VWA3B: variants seen among roughly 807,000 people sequenced by gnomAD.
VWA3B encodes the protein von Willebrand factor A domain-containing protein 3B.
VWA3B carries 138 observed loss-of-function variants against 158.3 expected under a neutral mutation model. That is an observed-to-expected ratio of 0.87 (90% CI 0.76 to 1.00). VWA3B has a LOEUF of 1.00. Among genes scored for constraint, VWA3B ranks in the 50% least tolerant of loss-of-function variants. The pLI is 0.00. For synonymous variants in VWA3B, 596 were observed against 587.3 expected, an observed-to-expected ratio of 1.01 and a Z score of -0.21; for missense variants, 1,555 against 1,565.1, an observed-to-expected ratio of 0.99 and a Z score of 0.11.
intron 21 of VWA3B, among the ~76,000 whole-genome samples, chr2:98,262,581 A>G (rs1687554542): frequency 1.3e-5 from 2 of 151,854 alleles, no homozygotes; most frequent in Non-Finnish European, 3.0e-5. Flanking sequence ...TGACAAGATC[A>G]CATGAGAGCT....
At chr2:98,119,977 A>T (rs1674842773) in intron 4 of VWA3B, among the ~76,000 whole-genome samples, 1 of 152,228 alleles carries the variant, frequency 6.6e-6, no homozygotes, top group Non-Finnish European at 1.5e-5. Context: ...TAGCTTTCAC[A>T]TTAAAAGAGA....
chr2:98,256,625 A>G lies in VWA3B; in HGVS notation c.2843+451A>G, dbSNP rs149053279. On this transcript the variant is annotated intron_variant, in intron 21 of 27. Coordinates refer to ENST00000477737, the MANE Select transcript of VWA3B (RefSeq NM_144992.5). ...TTTGGGTTGCTTCCGCTTTTTCGCT[A>G]TCATGAACTATGTTGCTATATGCAT... 1.1e-4 allele frequency among the ~76,000 whole-genome samples: 17 copies of G among 152,282 alleles called. No homozygotes were observed. The East Asian group carries it at 2.1e-3, about 19-fold the overall frequency.
intron 6 of VWA3B, among the ~76,000 whole-genome samples, chr2:98,129,256 T>C (rs2105020814): frequency 6.8e-6 from 1 of 146,710 alleles, no homozygotes; most frequent in South Asian, 2.2e-4. Context: ...TGTGTGTGTG[T>C]GTGGAGAGAG....
chr2:98,272,359 G>A (rs73961207), intron 22 of VWA3B, among the ~76,000 whole-genome samples: 170 of 152,338 alleles, frequency 1.1e-3, no homozygotes, highest in African/African-American at 3.8e-3. Context: ...TCATGTGAGC[G>A]ATGCAGGAAG....
chr2:98,163,539 A>C lies in VWA3B; in HGVS notation c.1114+563A>C, dbSNP rs146803391. On this transcript the variant is annotated intron_variant, in intron 8 of 27. Coordinates refer to ENST00000477737, the MANE Select transcript of VWA3B (RefSeq NM_144992.5). ...GCAATGGAGAGAGACTCTGTCTCAA[A>C]AACAACAACAACAACAACAATAACA... is the stretch of plus-strand genomic sequence containing the variant. 9.6e-3 allele frequency among the ~76,000 whole-genome samples: 1,461 copies of C among 152,118 alleles called. 25 individuals carry two copies. The highest frequency in any genetic ancestry group is 0.034 in the African/African-American group (1,399 of 41,468).
At chr2:98,091,305 G>A (rs376190409) in intron 1 of VWA3B, among the ~76,000 whole-genome samples, 16 of 152,272 alleles carry the variant, frequency 1.1e-4, no homozygotes, top group African/African-American at 1.7e-4. Flanking sequence ...TTAAATCCTC[G>A]AAGCTTGCGA....
intron 25 of VWA3B, among the ~76,000 whole-genome samples, chr2:98,302,628 G>A (rs1260459577): frequency 6.6e-6 from 1 of 152,172 alleles, no homozygotes; most frequent in Non-Finnish European, 1.5e-5. Context: ...ACACCATGAG[G>A]TAGAGACTAT....
intron 22 of VWA3B, among the ~76,000 whole-genome samples, chr2:98,289,465 T>C (rs913258768): frequency 2.0e-5 from 3 of 152,196 alleles, no homozygotes; most frequent in Non-Finnish European, 4.4e-5. Flanking sequence ...TTGAAAGTTA[T>C]TTTCTCTCAG....
At chr2:98,318,916 G>C in the VWA3B span, among the ~76,000 whole-genome samples, 1 of 152,156 alleles carries the variant, frequency 6.6e-6, no homozygotes, top group Non-Finnish European at 1.5e-5. Flanking sequence ...ATCTGAGAAT[G>C]CTCAAGCCCT....
chr2:98,113,439 A>G (rs752168693), intron 2 of VWA3B, among the ~76,000 whole-genome samples: 3 of 152,158 alleles, frequency 2.0e-5, no homozygotes, highest in Non-Finnish European at 4.4e-5. Context: ...ATTTGGTTGA[A>G]AAAAATCTGC....
chr2:98,173,859 G>A (rs376613054), intron 8 of VWA3B, among the ~76,000 whole-genome samples: 61 of 152,020 alleles, frequency 4.0e-4, no homozygotes, highest in African/African-American at 1.4e-3. Flanking sequence ...CCAGCTACTC[G>A]GGAGGCTGAG....
At chr2:98,296,659 C>A in intron 23 of VWA3B, among the ~76,000 whole-genome samples, 1 of 152,280 alleles carries the variant, frequency 6.6e-6, no homozygotes, top group Non-Finnish European at 1.5e-5. Context: ...CAGCACATGC[C>A]GTGGAGCCCA....
intron 21 of VWA3B, among the ~76,000 whole-genome samples, chr2:98,261,470 T>C (rs1299995940): frequency 6.6e-6 from 1 of 151,842 alleles, no homozygotes; most frequent in Admixed American, 6.6e-5. Context: ...GTGTTTGTAT[T>C]TACCTGTGTA....
At chr2:98,319,015 C>T in the VWA3B span, among the ~76,000 whole-genome samples, 1 of 152,192 alleles carries the variant, frequency 6.6e-6, no homozygotes. Flanking sequence ...AATTTGCAAT[C>T]CACAGTTGGT....
chr2:98,298,460 T>TGCCATGCCATCCCAC (rs1400896688), intron 24 of VWA3B, among the ~76,000 whole-genome samples: 3 of 152,000 alleles, frequency 2.0e-5, no homozygotes, highest in African/African-American at 7.3e-5. Flanking sequence ...TGCCATGCCA[T>TGCCATGCCATCCCAC]GCCATGCCAT....
At chr2:98,169,316 C>T (rs895271877) in intron 8 of VWA3B, among the ~76,000 whole-genome samples, 2 of 152,088 alleles carry the variant, frequency 1.3e-5, no homozygotes, top group African/African-American at 4.8e-5. Context: ...ACATATTATA[C>T]ATGAAGTGAT....
chr2:98,209,020 C>G (rs142491015), intron 12 of VWA3B, among the ~76,000 whole-genome samples: 56 of 152,260 alleles, frequency 3.7e-4, no homozygotes, highest in African/African-American at 1.3e-3. Context: ...GTTATTTTCT[C>G]TCAGCACTTG....
intron 19 of VWA3B, among the ~76,000 whole-genome samples, chr2:98,247,871 T>A (rs575364805): frequency 6.6e-6 from 1 of 152,090 alleles, no homozygotes; most frequent in African/African-American, 2.4e-5. Flanking sequence ...CTAACCATCT[T>A]TCTATTCTAT....
chr2:98,112,535 T>C (rs1037490541), intron 2 of VWA3B, among the ~76,000 whole-genome samples: 3 of 152,108 alleles, frequency 2.0e-5, no homozygotes, highest in Non-Finnish European at 2.9e-5. Context: ...TCCTTCCATA[T>C]GATGTATATA....
Sources: gnomAD v4.1 joint callset for allele counts (sites outside exome capture counted in the v4.1 genomes callset) on GRCh38, gnomAD v4.1.1 for gene constraint, MANE v1.5 for transcripts, NCBI Gene and HGNC (gene_info 2026-07-23, HGNC 2026-07-21) for gene names.